The following RORA variants were observed in gnomAD, a reference collection of about 807,000 sequenced individuals.
The protein encoded by RORA is RAR related orphan receptor A, also known as nuclear receptor ROR-alpha.
RORA carries 7 observed loss-of-function variants against 69.5 expected under a neutral mutation model. The observed-to-expected ratio is 0.10, with a 90% CI of 0.06 to 0.19. The LOEUF is 0.19. RORA is among the 10% of genes least tolerant of loss of function. The pLI is 1.00. For synonymous variants in RORA, 261 were observed against 240.8 expected (o/e 1.08, Z -0.78); for missense variants, 457 against 663.0 (o/e 0.69, Z 3.41).
rs2065395498 is a variant in RORA, at chr15:60,503,472, C to G, written c.1075+63G>C. 1.9e-6 allele frequency: 3 copies of G among 1,564,982 alleles called. No individual in the cohort carries two copies. The East Asian group carries it at 6.8e-5, about 35-fold the overall frequency. ...CCGACACCTTCCTTACCAAGCATTT[C>G]TTTAATAAGCGGGTGAAAGCAGGTT... is the stretch of plus-strand genomic sequence containing the variant. On this transcript the variant is annotated intron_variant, in intron 7 of 10. Coordinates refer to ENST00000335670, the MANE Select transcript of RORA (RefSeq NM_134261.3).
At chr15:60,612,902 T>A (rs1392624178) in intron 2 of RORA, among the ~76,000 whole-genome samples, 1 of 152,150 alleles carries the variant, frequency 6.6e-6, no homozygotes, top group East Asian at 1.9e-4. Context: ...CTGATCATTG[T>A]GCAAAATGCC....
At chr15:60,924,743 A>T (rs1892157245) in intron 1 of RORA, among the ~76,000 whole-genome samples, 2 of 152,194 alleles carry the variant, frequency 1.3e-5, no homozygotes, top group Non-Finnish European at 2.9e-5. Context: ...TAGAGATATG[A>T]GGAGTGATTA....
At chr15:60,835,941 T>G (rs2073109222) in intron 1 of RORA, among the ~76,000 whole-genome samples, 1 of 152,224 alleles carries the variant, frequency 6.6e-6, no homozygotes, top group Non-Finnish European at 1.5e-5. Context: ...TTTGTTTTTG[T>G]CTGCAAAACT....
intron 1 of RORA, among the ~76,000 whole-genome samples, chr15:60,880,583 G>A (rs1296151131): frequency 1.3e-5 from 2 of 152,070 alleles, no homozygotes; most frequent in African/African-American, 4.8e-5. Context: ...AGGTTGCAGT[G>A]AGCCAAGATC....
At chr15:60,592,630 G>A (rs1415232197) in intron 2 of RORA, 3 of 586,750 alleles carry the variant, frequency 5.1e-6, no homozygotes, top group Non-Finnish European at 6.0e-6. Context: ...TTCCTCCCGG[G>A]GCGGGAGGCG....
chr15:60,693,397 G>A (rs1440345453), intron 1 of RORA, among the ~76,000 whole-genome samples: 1 of 152,178 alleles, frequency 6.6e-6, no homozygotes, highest in African/African-American at 2.4e-5. Flanking sequence ...CACAAGACAA[G>A]GATGCCCTCT....
intron 1 of RORA, among the ~76,000 whole-genome samples, chr15:60,925,342 A>T (rs569448743): frequency 1.3e-5 from 2 of 152,294 alleles, no homozygotes; most frequent in South Asian, 4.2e-4. Context: ...TTCGAAGAGA[A>T]TATTTGAAAT....
At chr15:60,575,489 T>C (rs1035183667) in intron 2 of RORA, among the ~76,000 whole-genome samples, 1 of 152,120 alleles carries the variant, frequency 6.6e-6, no homozygotes, top group Non-Finnish European at 1.5e-5. Context: ...AGTGGAAAAT[T>C]CCAAAGTCGA....
At chr15:60,846,275 T>A (rs2073264325) in intron 1 of RORA, among the ~76,000 whole-genome samples, 1 of 152,228 alleles carries the variant, frequency 6.6e-6, no homozygotes, top group Non-Finnish European at 1.5e-5. Flanking sequence ...GTACTGTGAT[T>A]TATCATTGCA....
intron 1 of RORA, among the ~76,000 whole-genome samples, chr15:60,945,034 T>C (rs1351844873): frequency 1.3e-5 from 2 of 152,132 alleles, no homozygotes; most frequent in Admixed American, 6.5e-5. Flanking sequence ...CACTTTGGTT[T>C]TAGAGCAGAG....
chr15:60,667,479 C>T (rs1401250098), intron 2 of RORA, among the ~76,000 whole-genome samples: 1 of 152,262 alleles, frequency 6.6e-6, no homozygotes, highest in East Asian at 1.9e-4. Context: ...ATCACCACAT[C>T]TAAGCCCTTG....
chr15:60,586,036 T>C (rs773729926), intron 2 of RORA, among the ~76,000 whole-genome samples: 6 of 152,242 alleles, frequency 3.9e-5, no homozygotes, highest in Non-Finnish European at 8.8e-5. Flanking sequence ...ATGCTTCTAA[T>C]GTTCCTTTAA....
chr15:60,508,244 C>G (rs949275623), intron 5 of RORA, among the ~76,000 whole-genome samples: 2 of 152,118 alleles, frequency 1.3e-5, no homozygotes, highest in South Asian at 2.1e-4. Flanking sequence ...AATCTATAGT[C>G]TACCTCACTT....
intron 1 of RORA, among the ~76,000 whole-genome samples, chr15:61,075,738 T>C (rs2078439180): frequency 6.6e-6 from 1 of 152,184 alleles, no homozygotes; most frequent in Non-Finnish European, 1.5e-5. Context: ...ACCCAAGTCT[T>C]CCATGTCTAA....
chr15:61,184,145 T>C (rs1048944623), intron 1 of RORA, among the ~76,000 whole-genome samples: 8 of 152,212 alleles, frequency 5.3e-5, no homozygotes, highest in Non-Finnish European at 1.2e-4. Context: ...TTGCACTGCA[T>C]TTCACAATTT....
intron 1 of RORA, among the ~76,000 whole-genome samples, chr15:60,912,825 A>AAAC (rs1891769870): frequency 6.6e-6 from 1 of 152,200 alleles, no homozygotes; most frequent in African/African-American, 2.4e-5. Flanking sequence ...GGTGCTAGAG[A>AAAC]AACAGTGTTT....
intron 1 of RORA, among the ~76,000 whole-genome samples, chr15:61,133,300 A>G (rs2079208587): frequency 6.6e-6 from 1 of 152,210 alleles, no homozygotes; most frequent in African/African-American, 2.4e-5. Flanking sequence ...CATCTTCCTG[A>G]GCCTTGTAAC....
intron 1 of RORA, among the ~76,000 whole-genome samples, chr15:60,719,235 G>T (rs7178667): frequency 0.73 from 111,440 of 151,930 alleles, 41,283 homozygotes; most frequent in East Asian, 0.94. Context: ...AATATATACA[G>T]TGAAGTATTT....
rs2065114181 is a variant in RORA, at chr15:60,494,276, T to C, written c.*3179A>G. On this transcript the variant is annotated 3_prime_UTR_variant, in exon 11 of 11. Transcript: ENST00000335670. ...TGCATTGTGACCAAGGCCAGGTTTT[T>C]CACAATATAATAACCATTTGGACAC... 1 of 152,182 alleles carries C rather than the reference T, an allele frequency of 6.6e-6. No homozygotes were observed. The highest frequency in any genetic ancestry group is 2.4e-5 in the African/African-American group (1 of 41,434). 9.4% of individuals were successfully genotyped at this position (152,182 alleles called of 1,614,324 possible).
Sources: allele counts gnomAD v4.1 joint callset (sites outside exome capture counted in the v4.1 genomes callset), GRCh38; gene constraint gnomAD v4.1.1; transcripts MANE v1.5; gene names NCBI Gene and HGNC (gene_info 2026-07-23, HGNC 2026-07-21).